The following PAX5 variants were observed in gnomAD, a reference collection of about 807,000 sequenced individuals.
PAX5 encodes the protein paired box protein Pax-5.
Under a neutral mutation model 43.7 loss-of-function variants are expected in PAX5, and 9 were observed. That is an observed-to-expected ratio of 0.21 (90% confidence interval 0.12 to 0.36). PAX5 has a LOEUF of 0.36. Among genes scored for constraint, PAX5 ranks in the 10% least tolerant of loss-of-function variants. PAX5 has a pLI of 1.00. For missense variants in PAX5, 383 were observed against 532.7 expected (o/e 0.72, Z 2.77); for synonymous variants, 228 against 214.3 (o/e 1.06, Z -0.56).
chr9:36,991,130 T>C (rs1836905574), intron 5 of PAX5, among the ~76,000 whole-genome samples: 1 of 146,232 alleles, frequency 6.8e-6, no homozygotes, highest in East Asian at 2.0e-4. Context: ...AAAAAAAAAT[T>C]CCAGCAAAAA....
intron 7 of PAX5, among the ~76,000 whole-genome samples, chr9:36,917,427 T>G (rs754600129): frequency 6.6e-6 from 1 of 152,248 alleles, no homozygotes; most frequent in Admixed American, 6.5e-5. Flanking sequence ...TATGTGGGAA[T>G]ATGACCCAGT....
rs1030117705 is a variant in PAX5, at chr9:36,906,692, C to T, written c.910+16663G>A. On this transcript the variant is annotated intron_variant, in intron 7 of 9. Transcript: ENST00000358127. ...CTGCTCCACGCTGGACAGATCCCCCCGCAAGCTCTCCCACCAGCCCCTCTG... is the reference window on the plus strand; with the variant it reads ...CTGCTCCACGCTGGACAGATCCCCCTGCAAGCTCTCCCACCAGCCCCTCTG... Among the ~76,000 whole-genome samples, 4 of 152,348 alleles carry T rather than the reference C, an allele frequency of 2.6e-5. 1 individual carries two copies. The highest frequency in any genetic ancestry group is 4.1e-4 in the South Asian group (2 of 4,824).
At chr9:36,919,268 G>A (rs755794046) in intron 7 of PAX5, among the ~76,000 whole-genome samples, 7 of 151,746 alleles carry the variant, frequency 4.6e-5, no homozygotes, top group Non-Finnish European at 8.8e-5. Context: ...AAAAAAAAAA[G>A]ATTCTTTTCA....
At chr9:36,990,719 C>T (rs568001480) in intron 5 of PAX5, among the ~76,000 whole-genome samples, 1 of 152,258 alleles carries the variant, frequency 6.6e-6, no homozygotes, top group East Asian at 1.9e-4. Flanking sequence ...CTTGAGCAAA[C>T]GCTTGCCATA....
At chr9:36,995,828 GGCCCAGGGTGCTACCCTCT>G (rs1837344064) in intron 5 of PAX5, among the ~76,000 whole-genome samples, 1 of 152,108 alleles carries the variant, frequency 6.6e-6, no homozygotes, top group African/African-American at 2.4e-5. Flanking sequence ...AGCCCTCCCA[GGCCCAGGGTGCTACCCTCT>G]GCCCCCACCC....
Position 36,962,573 on chromosome 9 carries a change from G to T in PAX5, c.780+3976C>A, listed in dbSNP as rs867932653. Among the ~76,000 whole-genome samples the T allele has an allele frequency of 2.0e-5, 3 of 151,212 alleles. No individual in the cohort carries two copies. The East Asian group carries it at 5.9e-4, about 30-fold the overall frequency. ...AGGTGAGGAGGATCGCTGTCGTCAC[G>T]TTCGGTTTCGGCTGCTGCAGCTGTT... On this transcript the variant is annotated intron_variant, in intron 6 of 9. Transcript: ENST00000358127.
At chr9:37,016,330 T>C (rs952024011) in intron 2 of PAX5, among the ~76,000 whole-genome samples, 8 of 152,222 alleles carry the variant, frequency 5.3e-5, no homozygotes, top group East Asian at 1.9e-4. Flanking sequence ...TTAAAAGGAA[T>C]GTTGAATTGC....
intron 5 of PAX5, among the ~76,000 whole-genome samples, chr9:36,992,194 G>A (rs893112208): frequency 7.0e-6 from 1 of 143,618 alleles, no homozygotes; most frequent in African/African-American, 2.6e-5. Context: ...AAGCCCCTGT[G>A]GAATCAGAAC....
chr9:37,023,488 C>T (rs1416530392), intron 1 of PAX5, among the ~76,000 whole-genome samples: 1 of 152,096 alleles, frequency 6.6e-6, no homozygotes, highest in Non-Finnish European at 1.5e-5. Context: ...GAAACAGACC[C>T]ACAGATACAA....
In PAX5 at chr9:36,904,761, C is replaced by T. The variant is rs759367533; in HGVS notation, c.910+18594G>A. On this transcript the variant is annotated intron_variant, in intron 7 of 9. Transcript: ENST00000358127. ...ATCATGTCAATAACCTTGACAATGA[C>T]CTAGAAGGGTGGAGTGCTGCGTGAT... 2.1e-4 allele frequency among the ~76,000 whole-genome samples: 32 copies of T among 152,230 alleles called. No homozygotes were observed. In the Middle Eastern group the frequency reaches 0.01, roughly 49 times the overall value.
chr9:36,861,884 T>C (rs1824254664), intron 8 of PAX5, among the ~76,000 whole-genome samples: 1 of 152,038 alleles, frequency 6.6e-6, no homozygotes, highest in Non-Finnish European at 1.5e-5. Context: ...GACTAAAGGG[T>C]CATGACTGGC....
rs1486506883 is a variant in PAX5, at chr9:37,034,210, A to G, written c.-179T>C. The G allele has an allele frequency of 5.1e-6, 3 of 589,788 alleles. No homozygotes were observed. The highest frequency in any genetic ancestry group is 1.9e-5 in the African/African-American group (1 of 52,148). 36.5% of individuals were successfully genotyped at this position (589,788 alleles called of 1,614,324 possible). On this transcript the variant is annotated 5_prime_UTR_variant, in exon 1 of 10. Transcript: ENST00000358127. ...TGGGGTAGCTGATCACTGAGCTGAA[A>G]CTAAACGTTTTAGGTGGAAAAAAAG...
chr9:36,961,741 G>A (rs1174993154), intron 6 of PAX5, among the ~76,000 whole-genome samples: 6 of 152,160 alleles, frequency 3.9e-5, no homozygotes, highest in South Asian at 2.1e-4. Context: ...CAACAGGAGC[G>A]CTGCGCCGAC....
rs1208617418 is a variant in PAX5, at chr9:37,034,216, C to A, written c.-185G>T. The A allele has an allele frequency of 1.6e-5, 9 of 565,424 alleles. No homozygotes were observed. The African/African-American group carries it at 1.8e-4, about 11-fold the overall frequency. 35.0% of individuals were successfully genotyped at this position (565,424 alleles called of 1,614,324 possible). A position where few individuals can be genotyped will look rare whatever the true frequency, so the allele number is the denominator to read the frequency against. Reference sequence around the variant, plus strand: ...AGCTGATCACTGAGCTGAAACTAAACGTTTTAGGTGGAAAAAAAGCGTCCG... The same window carrying A: ...AGCTGATCACTGAGCTGAAACTAAAAGTTTTAGGTGGAAAAAAAGCGTCCG... On this transcript the variant is annotated 5_prime_UTR_variant, in exon 1 of 10. Coordinates refer to ENST00000358127, the MANE Select transcript of PAX5 (RefSeq NM_016734.3).
rs116417221 is a variant in PAX5 at position 36,995,056 on chromosome 9, C to T, written c.604+7592G>A. Among the ~76,000 whole-genome samples, 347 of 152,284 alleles carry T rather than the reference C, an allele frequency of 2.3e-3. 1 individual carries two copies. The highest frequency in any genetic ancestry group is 7.8e-3 in the African/African-American group (324 of 41,548). On this transcript the variant is annotated intron_variant, in intron 5 of 9. Transcript: ENST00000358127. ...ACCTCTCTACATCCAGGGGACAGCA[C>T]ACAGAGGGCCAGGGAGGGGACCTGC... is the stretch of plus-strand genomic sequence containing the variant.
chr9:36,960,151 G>A (rs1833836446), intron 6 of PAX5, among the ~76,000 whole-genome samples: 2 of 152,222 alleles, frequency 1.3e-5, no homozygotes, highest in African/African-American at 4.8e-5. Flanking sequence ...GACTCCTCCT[G>A]GGCCCGGACA....
At chr9:36,875,329 C>A (rs1333156880) in intron 8 of PAX5, among the ~76,000 whole-genome samples, 3 of 152,242 alleles carry the variant, frequency 2.0e-5, no homozygotes, top group African/African-American at 7.2e-5. Context: ...GTGCCGGGAA[C>A]TAAGGACACA....
At position 37,024,720 on chromosome 9, in the gene PAX5, G is replaced by C. The variant is rs138375028; in HGVS notation, c.47-3919C>G. ...AGGGGGCGATTGAAGGCCGGACAAGGAGGCACAGACATTAGCGGTTGGCTA... is the reference window on the plus strand; with the variant it reads ...AGGGGGCGATTGAAGGCCGGACAAGCAGGCACAGACATTAGCGGTTGGCTA... On this transcript the variant is annotated intron_variant, in intron 1 of 9. Transcript: ENST00000358127. Among the ~76,000 whole-genome samples, 7 of 152,318 alleles carry C rather than the reference G, an allele frequency of 4.6e-5. No homozygotes were observed. In the East Asian group the frequency reaches 1.4e-3, roughly 29 times the overall value.
chr9:36,909,817 T>C (rs898404625), intron 7 of PAX5, among the ~76,000 whole-genome samples: 33 of 141,636 alleles, frequency 2.3e-4, no homozygotes, highest in Non-Finnish European at 4.3e-4. Flanking sequence ...CATTTTAATT[T>C]TTTTTTTTTT....
Sources: allele counts gnomAD v4.1 joint callset (sites outside exome capture counted in the v4.1 genomes callset), GRCh38; gene constraint gnomAD v4.1.1; transcripts MANE v1.5; gene names NCBI Gene and HGNC (gene_info 2026-07-23, HGNC 2026-07-21).